The following NFYC variants were observed in gnomAD, a reference collection of about 807,000 sequenced individuals.
NFYC encodes CAAT box DNA-binding protein subunit C.
NFYC carries 25 observed loss-of-function variants against 53.1 expected under a neutral mutation model. The ratio of observed to expected loss-of-function variants is 0.47; its 90% CI spans 0.34 to 0.66. The LOEUF is 0.66. Among genes scored for constraint, NFYC ranks in the 30% least tolerant of loss-of-function variants. NFYC has a pLI of 0.01. For synonymous variants in NFYC, 145 were observed against 152.6 expected (o/e 0.95, Z 0.37); for missense variants, 260 against 422.7 (o/e 0.62, Z 3.38).
chr1:40,740,811 A>G (rs1197336368), intron 2 of NFYC, among the ~76,000 whole-genome samples: 1 of 152,090 alleles, frequency 6.6e-6, no homozygotes, highest in Non-Finnish European at 1.5e-5. Context: ...CAATCGAGCA[A>G]GTCTGTGCCG....
chr1:40,693,543 T>C (rs1447438332), intron 1 of NFYC, among the ~76,000 whole-genome samples: 1 of 152,216 alleles, frequency 6.6e-6, no homozygotes. Flanking sequence ...GAGAAGGGAA[T>C]TGATAAGTAG....
chr1:40,732,319 T>C (rs1359620947), intron 1 of NFYC, among the ~76,000 whole-genome samples: 2 of 152,240 alleles, frequency 1.3e-5, no homozygotes, highest in African/African-American at 4.8e-5. Flanking sequence ...CTTAGATTTC[T>C]TTTTATTTAT....
intron 1 of NFYC, among the ~76,000 whole-genome samples, chr1:40,734,530 T>G (rs1644927417): frequency 6.6e-6 from 1 of 151,912 alleles, no homozygotes; most frequent in Non-Finnish European, 1.5e-5. Flanking sequence ...CCAGCTAATT[T>G]TTGCATTTTT....
At chr1:40,715,004 C>T (rs931037672) in intron 1 of NFYC, among the ~76,000 whole-genome samples, 4 of 152,150 alleles carry the variant, frequency 2.6e-5, no homozygotes, top group Admixed American at 6.5e-5. Context: ...GGCATGAATC[C>T]GGGAGGCGGA....
intron 6 of NFYC, 81 bp downstream of exon 6, chr1:40,758,375 A>C: frequency 7.1e-7 from 1 of 1,399,830 alleles, no homozygotes; most frequent in Non-Finnish European, 9.6e-7. Context: ...ATGAGGGCAG[A>C]GAGGCAGCCA....
intron 1 of NFYC, among the ~76,000 whole-genome samples, chr1:40,737,520 G>A (rs1328199334): frequency 6.6e-6 from 1 of 151,548 alleles, no homozygotes; most frequent in African/African-American, 2.4e-5. Flanking sequence ...GTAGAGATGG[G>A]GTTTCACCAT....
intron 7 of NFYC, 76 bp downstream of exon 7, chr1:40,763,122 A>G: frequency 2.3e-6 from 3 of 1,314,692 alleles, no homozygotes; most frequent in Non-Finnish European, 3.1e-6. Flanking sequence ...CTTGATATAT[A>G]TATGTATATC....
chr1:40,737,495 A>AT (rs2148597340), intron 1 of NFYC, among the ~76,000 whole-genome samples: 1 of 151,352 alleles, frequency 6.6e-6, no homozygotes, highest in East Asian at 2.0e-4. Flanking sequence ...CGCCCGGCTA[A>AT]TTTTTGTATT....
chr1:40,731,831 A>T (rs1413112520), intron 1 of NFYC, among the ~76,000 whole-genome samples: 2 of 152,148 alleles, frequency 1.3e-5, no homozygotes, highest in African/African-American at 4.8e-5. Context: ...TATAGTTCAT[A>T]CTTATTTCAG....
intron 1 of NFYC, among the ~76,000 whole-genome samples, chr1:40,696,706 T>G (rs1412983713): frequency 6.6e-6 from 1 of 152,362 alleles, no homozygotes; most frequent in East Asian, 1.9e-4. Context: ...ATGACCTTCT[T>G]AAGGTCAATC....
intron 1 of NFYC, chr1:40,692,307 C>T (rs1220046600): frequency 1.3e-5 from 2 of 156,302 alleles, no homozygotes; most frequent in African/African-American, 4.8e-5. Flanking sequence ...GAGGGCGAGC[C>T]TAGAGGCTTT....
intron 8 of NFYC, among the ~76,000 whole-genome samples, chr1:40,768,111 C>T (rs1646910653): frequency 6.6e-6 from 1 of 152,148 alleles, no homozygotes; most frequent in South Asian, 2.1e-4. Flanking sequence ...ATTATGACAA[C>T]CTAATACTTA....
intron 2 of NFYC, among the ~76,000 whole-genome samples, chr1:40,739,454 G>C (rs1645223137): frequency 2.0e-5 from 3 of 152,112 alleles, no homozygotes; most frequent in Admixed American, 2.0e-4. Flanking sequence ...ATAATTCTTT[G>C]TTGTGAGGGG....
chr1:40,710,545 T>C (rs183972649), intron 1 of NFYC, among the ~76,000 whole-genome samples: 8 of 152,352 alleles, frequency 5.3e-5, no homozygotes, highest in Non-Finnish European at 1.0e-4. Context: ...GATTTTAAAA[T>C]GCAATTCTTT....
At chr1:40,737,127 C>CAAA (rs1161900883) in intron 1 of NFYC, among the ~76,000 whole-genome samples, 4 of 88,768 alleles carry the variant, frequency 4.5e-5, no homozygotes, top group Admixed American at 1.3e-4. Flanking sequence ...AACTCTGTCT[C>CAAA]AAAAAAAAAA....
At chr1:40,694,726 T>G (rs531632782) in intron 1 of NFYC, among the ~76,000 whole-genome samples, 1 of 152,242 alleles carries the variant, frequency 6.6e-6, no homozygotes, top group African/African-American at 2.4e-5. Context: ...TGTTAGCCCC[T>G]TATACCCATG....
chr1:40,718,610 A>G (rs909053762), intron 1 of NFYC, among the ~76,000 whole-genome samples: 13 of 152,236 alleles, frequency 8.5e-5, no homozygotes, highest in Non-Finnish European at 1.9e-4. Flanking sequence ...GCATGGTACA[A>G]GTAGATAACA....
intron 1 of NFYC, among the ~76,000 whole-genome samples, chr1:40,712,107 G>C (rs565945268): frequency 1.3e-5 from 2 of 152,212 alleles, no homozygotes; most frequent in African/African-American, 4.8e-5. Flanking sequence ...GACTATTTGG[G>C]GGATGAAACG....
In NFYC at chr1:40,703,480, T is replaced by TAAAAAA. The variant is rs57102599; in HGVS notation, c.-9+11622_-9+11627dup. 3.2e-3 allele frequency among the ~76,000 whole-genome samples: 308 copies of TAAAAAA among 97,750 alleles called. 10 individuals are homozygous for TAAAAAA. The highest frequency in any genetic ancestry group is 0.012 in the African/African-American group (259 of 22,074). 64.1% of individuals were successfully genotyped at this position (97,750 alleles called of 152,430 possible). On this transcript the variant is annotated intron_variant, in intron 1 of 9. Coordinates refer to ENST00000447388, the MANE Select transcript of NFYC (RefSeq NM_014223.5). ...GTACTCCAGCCTGGGCAATTAGCCCTAAAAAAAAAAAAAAGAATATGAAGC... is the reference window on the plus strand; with the variant it reads ...GTACTCCAGCCTGGGCAATTAGCCCTAAAAAAAAAAAAAAAAAAAAGAATATGAAGC...
Sources: gnomAD v4.1 joint callset for allele counts (sites outside exome capture counted in the v4.1 genomes callset) on GRCh38, gnomAD v4.1.1 for gene constraint, MANE v1.5 for transcripts, NCBI Gene and HGNC (gene_info 2026-07-23, HGNC 2026-07-21) for gene names.